TBC1D5: variants seen among roughly 807,000 people sequenced by gnomAD.
The protein encoded by TBC1D5 is TBC1 domain family member 5.
In TBC1D5, 75 loss-of-function variants were observed where a neutral mutation model predicts 100.3. The observed-to-expected ratio is 0.75, with a 90% CI of 0.62 to 0.91. The LOEUF (loss-of-function observed/expected upper bound fraction) is 0.91. TBC1D5 is among the 40% of genes least tolerant of loss of function. The probability of loss-of-function intolerance (pLI) is 0.00; values close to 1 mark genes in which losing one functional copy is unlikely to be tolerated. For missense variants in TBC1D5, 910 were observed against 942.4 expected, an observed-to-expected ratio of 0.97 and a Z score of 0.45; for synonymous variants, 323 against 325.6, an observed-to-expected ratio of 0.99 and a Z score of 0.09.
intron 2 of TBC1D5, among the ~76,000 whole-genome samples, chr3:17,568,106 C>T (rs2096604597): frequency 6.6e-6 from 1 of 151,560 alleles, no homozygotes; most frequent in Admixed American, 6.6e-5. Context: ...GAACACCCTC[C>T]TACCTTTTTC....
At chr3:17,718,033 G>A (rs1326039835) in intron 1 of TBC1D5, among the ~76,000 whole-genome samples, 1 of 152,020 alleles carries the variant, frequency 6.6e-6, no homozygotes, top group East Asian at 1.9e-4. Context: ...ACTGAAGTAC[G>A]AAGTCAATAA....
At chr3:17,494,930 T>TAA (rs2095687018) in intron 3 of TBC1D5, among the ~76,000 whole-genome samples, 1 of 152,164 alleles carries the variant, frequency 6.6e-6, no homozygotes, top group Non-Finnish European at 1.5e-5. Context: ...CCCTGATCCC[T>TAA]GGGTTGCACA....
chr3:17,629,842 T>G (rs1662333154), intron 1 of TBC1D5, among the ~76,000 whole-genome samples: 2 of 152,214 alleles, frequency 1.3e-5, no homozygotes, highest in South Asian at 4.1e-4. Context: ...ACATTTGAAC[T>G]TTAGCATGCT....
At chr3:17,533,915 C>T (rs887678459) in intron 2 of TBC1D5, among the ~76,000 whole-genome samples, 1 of 136,348 alleles carries the variant, frequency 7.3e-6, no homozygotes, top group Admixed American at 6.9e-5. Flanking sequence ...TAGATAGATT[C>T]ATTTCATATT....
intron 1 of TBC1D5, among the ~76,000 whole-genome samples, chr3:17,716,137 C>G (rs2075220162): frequency 6.6e-6 from 1 of 152,120 alleles, no homozygotes; most frequent in Non-Finnish European, 1.5e-5. Context: ...AAATGAACAA[C>G]TTAAGACATA....
At chr3:17,499,727 T>C (rs2095761478) in intron 3 of TBC1D5, among the ~76,000 whole-genome samples, 1 of 148,876 alleles carries the variant, frequency 6.7e-6, no homozygotes, top group South Asian at 2.1e-4. Flanking sequence ...TCTACTGTAG[T>C]TTTTGGCCCC....
intron 15 of TBC1D5, among the ~76,000 whole-genome samples, chr3:17,270,536 T>C (rs1292826814): frequency 6.6e-6 from 1 of 152,078 alleles, no homozygotes; most frequent in Non-Finnish European, 1.5e-5. Flanking sequence ...ATTCTCCCAT[T>C]ATGCAAAGTT....
chr3:17,351,021 A>G (rs1484225506), intron 13 of TBC1D5, among the ~76,000 whole-genome samples: 3 of 152,178 alleles, frequency 2.0e-5, no homozygotes, highest in East Asian at 3.8e-4. Context: ...TAATATTCAC[A>G]TAAACCTAAA....
chr3:17,552,336 G>T (rs73160951), intron 2 of TBC1D5, among the ~76,000 whole-genome samples: 1 of 152,018 alleles, frequency 6.6e-6, no homozygotes, highest in Non-Finnish European at 1.5e-5. Flanking sequence ...ATTTTGGAAA[G>T]ATTTCAAAGG....
intron 1 of TBC1D5, among the ~76,000 whole-genome samples, chr3:17,693,457 C>CA (rs2071483162): frequency 6.6e-6 from 1 of 152,212 alleles, no homozygotes; most frequent in South Asian, 2.1e-4. Context: ...GTGGTTCCCA[C>CA]ACCCACGGAG....
At chr3:17,249,695 G>GT (rs2077028032) in intron 16 of TBC1D5, among the ~76,000 whole-genome samples, 1 of 152,110 alleles carries the variant, frequency 6.6e-6, no homozygotes, top group Non-Finnish European at 1.5e-5. Context: ...CCAGCCTCAG[G>GT]TATTTCTTTA....
chr3:17,375,646 T>C (rs2092679450), intron 10 of TBC1D5, among the ~76,000 whole-genome samples: 2 of 151,730 alleles, frequency 1.3e-5, no homozygotes, highest in African/African-American at 4.8e-5. Context: ...GAAAGCAAGT[T>C]ATATATGGTT....
intron 13 of TBC1D5, among the ~76,000 whole-genome samples, chr3:17,351,929 GT>G (rs547486240): frequency 0.01 from 1,420 of 140,238 alleles, 16 homozygotes; most frequent in Non-Finnish European, 0.016. Context: ...TTCTGAATCC[GT>G]TTTTTTTTCC....
chr3:17,653,450 A>G (rs1372155965), intron 1 of TBC1D5, among the ~76,000 whole-genome samples: 3 of 152,110 alleles, frequency 2.0e-5, no homozygotes, highest in African/African-American at 7.2e-5. Flanking sequence ...CAGTCTGATC[A>G]TGAGAAAATA....
At chr3:17,395,937 T>A (rs1044750141) in intron 8 of TBC1D5, among the ~76,000 whole-genome samples, 2 of 152,124 alleles carry the variant, frequency 1.3e-5, no homozygotes, top group East Asian at 3.9e-4. Flanking sequence ...TAAATATACA[T>A]ATGCAATAGT....
At chr3:17,246,274 A>T (rs999480510) in intron 16 of TBC1D5, among the ~76,000 whole-genome samples, 1 of 152,214 alleles carries the variant, frequency 6.6e-6, no homozygotes, top group Non-Finnish European at 1.5e-5. Flanking sequence ...CTGAGAAGTT[A>T]AAGATGACCT....
intron 1 of TBC1D5, among the ~76,000 whole-genome samples, chr3:17,626,084 C>A (rs942527048): frequency 1.6e-4 from 25 of 151,720 alleles, no homozygotes; most frequent in Admixed American, 4.6e-4. Context: ...TAAGTTGGAC[C>A]ATTTGAAGAC....
intron 1 of TBC1D5, among the ~76,000 whole-genome samples, chr3:17,698,194 G>C (rs1353319746): frequency 6.6e-6 from 1 of 152,194 alleles, no homozygotes; most frequent in Non-Finnish European, 1.5e-5. Context: ...CCAAAACAGA[G>C]ATATAGATCA....
intron 3 of TBC1D5, among the ~76,000 whole-genome samples, chr3:17,462,806 T>G (rs1168889005): frequency 6.6e-6 from 1 of 152,182 alleles, no homozygotes; most frequent in Non-Finnish European, 1.5e-5. Flanking sequence ...CATAGATCCA[T>G]CCTATGGATC....
Sources: gnomAD v4.1 joint callset for allele counts (sites outside exome capture counted in the v4.1 genomes callset) on GRCh38, gnomAD v4.1.1 for gene constraint, MANE v1.5 for transcripts, NCBI Gene and HGNC (gene_info 2026-07-23, HGNC 2026-07-21) for gene names.